Variants in FLT3 observed in about 807,000 individuals in gnomAD.
FLT3 encodes the protein fms related receptor tyrosine kinase 3.
Under a neutral mutation model 126.6 loss-of-function variants are expected in FLT3, and 46 were observed. The ratio of observed to expected loss-of-function variants is 0.36; its 90% CI spans 0.29 to 0.46. The LOEUF (loss-of-function observed/expected upper bound fraction) is 0.46, where lower values mean the gene tolerates loss of function less well. Among genes scored for constraint, FLT3 ranks in the 20% least tolerant of loss-of-function variants. The pLI is 1.00. For synonymous variants in FLT3, 404 were observed against 434.4 expected, an observed-to-expected ratio of 0.93 and a Z score of 0.87; for missense variants, 1,069 against 1,190.3, an observed-to-expected ratio of 0.90 and a Z score of 1.50.
chr13:28,060,453 A>G (rs1462351552), intron 3 of FLT3, among the ~76,000 whole-genome samples: 6 of 109,392 alleles, frequency 5.5e-5, no homozygotes, highest in Admixed American at 2.5e-4. Context: ...ATTGTAAATA[A>G]GGTAAAAATA....
chr13:28,026,708 C>T (rs150357663), intron 17 of FLT3, among the ~76,000 whole-genome samples: 5 of 152,184 alleles, frequency 3.3e-5, no homozygotes, highest in Admixed American at 6.5e-5. Context: ...GCAATAGTCC[C>T]AGGACCCGAG....
chr13:28,021,754 T>G (rs1284986608), intron 19 of FLT3, among the ~76,000 whole-genome samples: 1 of 151,748 alleles, frequency 6.6e-6, no homozygotes, highest in Non-Finnish European at 1.5e-5. Flanking sequence ...TTAATTTTTT[T>G]TTTTTTGAGA....
At chr13:28,017,791 A>T (rs1872016087) in intron 20 of FLT3, among the ~76,000 whole-genome samples, 1 of 151,598 alleles carries the variant, frequency 6.6e-6, no homozygotes, top group South Asian at 2.1e-4. Context: ...CAGCCTCCCG[A>T]ATAGTTGGGA....
In FLT3 at chr13:28,017,775, C is replaced by T. The variant is rs548483552; in HGVS notation, c.2541+692G>A. ...CACCTCCTGGGTTCAAGCAATTCTC[C>T]TGCCTCAGCCTCCCGAATAGTTGGG... On this transcript the variant is annotated intron_variant, in intron 20 of 23. Transcript: ENST00000241453. Among the ~76,000 whole-genome samples the T allele has an allele frequency of 8.5e-5, 13 of 152,080 alleles. No homozygotes were observed. In the South Asian group the frequency reaches 2.7e-3, roughly 32 times the overall value.
intron 3 of FLT3, among the ~76,000 whole-genome samples, chr13:28,060,173 T>C (rs1876404264): frequency 6.8e-6 from 1 of 147,340 alleles, no homozygotes; most frequent in African/African-American, 2.5e-5. Context: ...GGTGAGTGGA[T>C]CACCTGAGGT....
intron 1 of FLT3, among the ~76,000 whole-genome samples, chr13:28,077,055 A>G (rs966722663): frequency 3.3e-5 from 5 of 150,026 alleles, no homozygotes; most frequent in African/African-American, 4.9e-5. Flanking sequence ...GGAAGGAAGG[A>G]AGGGAAAGAA....
chr13:28,078,617 T>C (rs751055711), intron 1 of FLT3, among the ~76,000 whole-genome samples: 3 of 152,210 alleles, frequency 2.0e-5, no homozygotes, highest in Non-Finnish European at 2.9e-5. Context: ...CTGGAGACAT[T>C]TTCCCCATGG....
At chr13:28,060,155 G>A (rs1316528935) in intron 3 of FLT3, among the ~76,000 whole-genome samples, 1 of 150,874 alleles carries the variant, frequency 6.6e-6, no homozygotes, top group Non-Finnish European at 1.5e-5. Flanking sequence ...AGCACTTTGG[G>A]AGGCTGAGGT....
At chr13:28,060,759 T>C (rs1457459744) in intron 3 of FLT3, among the ~76,000 whole-genome samples, 1 of 151,804 alleles carries the variant, frequency 6.6e-6, no homozygotes, top group Non-Finnish European at 1.5e-5. Context: ...CCCGCACCAC[T>C]ATGCCAGGCT....
rs997305409 is a variant in FLT3 at position 28,028,278 on chromosome 13, G to C, written c.1953C>G (p.Asp651Glu). The C allele has an allele frequency of 6.3e-7, 1 of 1,577,206 alleles. No individual in the cohort carries two copies. ...ACATGAGTGCCTCTCTTTCAGAGCT[G>C]TCTGCTTTTTCTGTCAAAGAAAGGA... ...VAVKMLKEKA[D>E]SSEREALMSE... Residue 651 changes from aspartate (D) to glutamate (E), a missense_variant, in exon 16 of 24, where the codon GAC becomes GAG. Transcript: ENST00000241453.
At chr13:28,019,661 C>G (rs1012195135) in intron 19 of FLT3, among the ~76,000 whole-genome samples, 1 of 152,182 alleles carries the variant, frequency 6.6e-6, no homozygotes, top group Non-Finnish European at 1.5e-5. Flanking sequence ...GCCTCCTCCT[C>G]CTGCCTGTCT....
intron 1 of FLT3, among the ~76,000 whole-genome samples, chr13:28,094,740 A>C (rs1288703017): frequency 2.0e-5 from 3 of 152,118 alleles, no homozygotes; most frequent in Non-Finnish European, 4.4e-5. Flanking sequence ...GGCTCCAGTG[A>C]TCCTCCCACC....
intron 20 of FLT3, among the ~76,000 whole-genome samples, chr13:28,016,882 T>C (rs77163884): frequency 6.6e-6 from 1 of 152,294 alleles, no homozygotes; most frequent in East Asian, 1.9e-4. Context: ...GAATACAGTT[T>C]AATTTGACTT....
chr13:28,079,567 A>T (rs1425066396), intron 1 of FLT3, among the ~76,000 whole-genome samples: 1 of 152,170 alleles, frequency 6.6e-6, no homozygotes, highest in Non-Finnish European at 1.5e-5. Context: ...GACTGGGAAG[A>T]AAAAGGGGTT....
chr13:28,031,031 C>A (rs1166182567), intron 15 of FLT3, among the ~76,000 whole-genome samples: 1 of 152,078 alleles, frequency 6.6e-6, no homozygotes, highest in Non-Finnish European at 1.5e-5. Flanking sequence ...TCAAGACCAT[C>A]CTGGCTAACA....
chr13:28,095,137 A>G (rs1286424063), intron 1 of FLT3, among the ~76,000 whole-genome samples: 2 of 152,200 alleles, frequency 1.3e-5, no homozygotes, highest in African/African-American at 4.8e-5. Flanking sequence ...CTGGGTATAT[A>G]AGAAAAAACA....
intron 15 of FLT3, among the ~76,000 whole-genome samples, chr13:28,031,101 G>A (rs979235579): frequency 6.6e-6 from 1 of 152,000 alleles, no homozygotes; most frequent in Non-Finnish European, 1.5e-5. Flanking sequence ...GGTGGTGGGT[G>A]CCTGTAGTCC....
chr13:28,014,366 C>T (rs1315154740), intron 23 of FLT3, 86 bp downstream of exon 23: 1 of 963,046 alleles, frequency 1.0e-6, no homozygotes, highest in South Asian at 1.4e-5. Context: ...CAACTTGGTA[C>T]CTTTGGTTCA....
intron 17 of FLT3, chr13:28,025,469 T>C: frequency 2.4e-6 from 1 of 420,590 alleles, no homozygotes; most frequent in Non-Finnish European, 4.7e-6. Context: ...TATATAAAAA[T>C]TCTTCCCTGA....
Sources: gnomAD v4.1 joint callset for allele counts (sites outside exome capture counted in the v4.1 genomes callset) on GRCh38, gnomAD v4.1.1 for gene constraint, MANE v1.5 for transcripts, NCBI Gene and HGNC (gene_info 2026-07-23, HGNC 2026-07-21) for gene names.